SMCO4: variants seen among roughly 807,000 people sequenced by gnomAD.
SMCO4 encodes single-pass membrane protein with coiled-coil domains 4.
A neutral mutation model predicts 3.6 loss-of-function variants in SMCO4; 4 were observed. That is an observed-to-expected ratio of 1.11 (90% CI 0.54 to 2.53). The LOEUF (loss-of-function observed/expected upper bound fraction) is 2.53. Among genes scored for constraint, SMCO4 ranks in the 30% most tolerant of loss-of-function variants. The pLI, the probability that SMCO4 is intolerant of heterozygous loss-of-function variation, is 0.02. For missense variants in SMCO4, 70 were observed against 80.8 expected, an observed-to-expected ratio of 0.87 and a Z score of 0.51; for synonymous variants, 36 against 35.3, an observed-to-expected ratio of 1.02 and a Z score of -0.07.
intron 1 of SMCO4, among the ~76,000 whole-genome samples, chr11:93,511,776 AT>A (rs1013376433): frequency 2.0e-5 from 3 of 152,178 alleles, no homozygotes; most frequent in African/African-American, 7.2e-5. Flanking sequence ...TCAAAAAAAA[AT>A]TCATAAAGTA....
At chr11:93,546,892 TC>T (rs1252476893), upstream of SMCO4, among the ~76,000 whole-genome samples, 1 of 152,160 alleles carries the variant, frequency 6.6e-6, no homozygotes, top group Non-Finnish European at 1.5e-5. Flanking sequence ...TTCTTTCTGT[TC>T]CCCAAACCAG....
chr11:93,490,186 GGTCTTGTTATTTAACCCTGGCC>G (rs1316857080), intron 2 of SMCO4, among the ~76,000 whole-genome samples: 1 of 152,216 alleles, frequency 6.6e-6, no homozygotes, highest in African/African-American at 2.4e-5. Flanking sequence ...CTTTTGAACA[GGTCTTGTTATTTAACCCTGGCC>G]AGCCAGGAAA....
intron 1 of SMCO4, among the ~76,000 whole-genome samples, chr11:93,523,739 A>G (rs1040441879): frequency 2.2e-4 from 34 of 152,324 alleles, no homozygotes; most frequent in African/African-American, 7.9e-4. Context: ...GTGTGTGCTA[A>G]AAGTGCTGAC....
At chr11:93,552,629 G>A in the SMCO4 span, among the ~76,000 whole-genome samples, 7 of 151,286 alleles carry the variant, frequency 4.6e-5, no homozygotes, top group African/African-American at 1.5e-4. Context: ...CCGCTAACAA[G>A]CCCGGCTAAT....
intron 2 of SMCO4, among the ~76,000 whole-genome samples, chr11:93,490,867 G>A (rs1378585009): frequency 6.6e-6 from 1 of 152,248 alleles, no homozygotes; most frequent in South Asian, 2.1e-4. Context: ...GGGTCTGAAA[G>A]ACGAATAGGA....
intron 2 of SMCO4, among the ~76,000 whole-genome samples, chr11:93,485,472 C>T (rs1948637966): frequency 6.6e-6 from 1 of 152,258 alleles, no homozygotes; most frequent in African/African-American, 2.4e-5. Flanking sequence ...GGACAACCAT[C>T]ACATGTGGCC....
At chr11:93,529,960 T>C (rs984856559) in intron 1 of SMCO4, among the ~76,000 whole-genome samples, 5 of 152,216 alleles carry the variant, frequency 3.3e-5, no homozygotes, top group Non-Finnish European at 7.3e-5. Context: ...CACACAGCCA[T>C]CTACTCACTG....
intron 1 of SMCO4, among the ~76,000 whole-genome samples, chr11:93,527,368 C>T (rs1008896085): frequency 1.3e-5 from 2 of 152,098 alleles, no homozygotes; most frequent in African/African-American, 4.8e-5. Context: ...TAAGTCTCAG[C>T]GTCCTCATTT....
intron 2 of SMCO4, among the ~76,000 whole-genome samples, chr11:93,489,465 C>T (rs1476528841): frequency 6.6e-6 from 1 of 152,186 alleles, no homozygotes; most frequent in Non-Finnish European, 1.5e-5. Context: ...GAGGCGATGA[C>T]TGAATGGGAG....
chr11:93,532,003 C>T (rs1949167370), intron 1 of SMCO4, among the ~76,000 whole-genome samples: 1 of 152,210 alleles, frequency 6.6e-6, no homozygotes, highest in African/African-American at 2.4e-5. Flanking sequence ...CTTACATACA[C>T]TGATTGTCTC....
chr11:93,516,851 T>A (rs1447504081), intron 1 of SMCO4, among the ~76,000 whole-genome samples: 2 of 151,684 alleles, frequency 1.3e-5, no homozygotes, highest in African/African-American at 4.8e-5. Context: ...TACATTCGAG[T>A]AGTATCCTAA....
intron 2 of SMCO4, among the ~76,000 whole-genome samples, chr11:93,489,603 C>T (rs1948691174): frequency 6.6e-6 from 1 of 152,170 alleles, no homozygotes; most frequent in Non-Finnish European, 1.5e-5. Context: ...TTCAATTTAA[C>T]CAGGGATGGG....
At chr11:93,528,390 G>A (rs1949131407) in intron 1 of SMCO4, among the ~76,000 whole-genome samples, 1 of 152,186 alleles carries the variant, frequency 6.6e-6, no homozygotes, top group Non-Finnish European at 1.5e-5. Flanking sequence ...AGCAACTGGA[G>A]ACACCCGCCT....
At chr11:93,517,748 AG>A (rs1480271042) in intron 1 of SMCO4, among the ~76,000 whole-genome samples, 4 of 152,298 alleles carry the variant, frequency 2.6e-5, no homozygotes, top group African/African-American at 9.6e-5. Context: ...ACAGGCTGAA[AG>A]GGGAGGCAAC....
chr11:93,490,926 G>A (rs1034668345), intron 2 of SMCO4, among the ~76,000 whole-genome samples: 7 of 152,216 alleles, frequency 4.6e-5, no homozygotes, highest in African/African-American at 1.7e-4. Context: ...GGACCCAAGA[G>A]TTACTGAAGT....
chr11:93,527,808 G>A (rs1228811979), intron 1 of SMCO4, among the ~76,000 whole-genome samples: 1 of 151,974 alleles, frequency 6.6e-6, no homozygotes, highest in Admixed American at 6.6e-5. Context: ...CAAAAATTAG[G>A]TTAATATTTG....
At chr11:93,536,899 C>T (rs1052728713) in intron 1 of SMCO4, among the ~76,000 whole-genome samples, 2 of 152,228 alleles carry the variant, frequency 1.3e-5, no homozygotes, top group African/African-American at 4.8e-5. Flanking sequence ...ACTTCCAGGT[C>T]TTCCCAAGAC....
Sources: allele counts gnomAD v4.1 joint callset (sites outside exome capture counted in the v4.1 genomes callset), GRCh38; gene constraint gnomAD v4.1.1; transcripts MANE v1.5; gene names NCBI Gene and HGNC (gene_info 2026-07-23, HGNC 2026-07-21).